Variants in DECR1 observed in about 807,000 individuals in gnomAD.
The protein encoded by DECR1 is 2,4-dienoyl-CoA reductase 1, also known as 2,4-dienoyl-CoA reductase [(3E)-enoyl-CoA-producing], mitochondrial.
DECR1 carries 44 observed loss-of-function variants against 38.8 expected under a neutral mutation model. That is an observed-to-expected ratio of 1.13 (90% CI 0.89 to 1.46). The LOEUF is 1.46. Among genes scored for constraint, DECR1 ranks in the 40% most tolerant of loss-of-function variants. DECR1 has a pLI of 0.00. For missense variants in DECR1, 428 were observed against 405.5 expected, an observed-to-expected ratio of 1.06 and a Z score of -0.48; for synonymous variants, 148 against 135.2, an observed-to-expected ratio of 1.09 and a Z score of -0.66.
At chr8:90,009,734 A>G (rs1812837165) in intron 1 of DECR1, among the ~76,000 whole-genome samples, 1 of 152,216 alleles carries the variant, frequency 6.6e-6, no homozygotes, top group South Asian at 2.1e-4. Flanking sequence ...TTTGGTTAAC[A>G]TGATAGGGGA....
At chr8:90,016,953 T>C (rs1386899970) in intron 1 of DECR1, 171 bp from the exon 2 acceptor site, 1 of 578,550 alleles carries the variant, frequency 1.7e-6, no homozygotes, top group Admixed American at 3.1e-5. Flanking sequence ...GCCTGTGCTT[T>C]TTAAATCAGA....
At chr8:90,009,833 C>A (rs1314260839) in intron 1 of DECR1, among the ~76,000 whole-genome samples, 4 of 152,184 alleles carry the variant, frequency 2.6e-5, no homozygotes, top group Non-Finnish European at 5.9e-5. Flanking sequence ...GTGATTTCAT[C>A]TCTTTTTATT....
At chr8:90,040,303 G>A (rs188724833) in intron 6 of DECR1, among the ~76,000 whole-genome samples, 1 of 152,274 alleles carries the variant, frequency 6.6e-6, no homozygotes, top group African/African-American at 2.4e-5. Flanking sequence ...TGTTCTGTCT[G>A]AAAGAGATAC....
At chr8:90,037,947 C>A (rs1258989716) in intron 6 of DECR1, among the ~76,000 whole-genome samples, 1 of 152,172 alleles carries the variant, frequency 6.6e-6, no homozygotes, top group Non-Finnish European at 1.5e-5. Context: ...GCTCACGACA[C>A]TCCCCAGCTA....
At chr8:90,039,029 A>G (rs1453876146) in intron 6 of DECR1, among the ~76,000 whole-genome samples, 1 of 152,130 alleles carries the variant, frequency 6.6e-6, no homozygotes, top group Non-Finnish European at 1.5e-5. Context: ...TGCTGCTTTT[A>G]TTGTGTTCCT....
intron 5 of DECR1, among the ~76,000 whole-genome samples, chr8:90,035,659 G>T (rs6998280): frequency 6.6e-6 from 1 of 151,786 alleles, no homozygotes; most frequent in Non-Finnish European, 1.5e-5. Flanking sequence ...GGGACTCTTT[G>T]TCTATTAATC....
intron 6 of DECR1, among the ~76,000 whole-genome samples, chr8:90,039,529 G>A (rs1423109861): frequency 6.6e-6 from 1 of 152,184 alleles, no homozygotes; most frequent in African/African-American, 2.4e-5. Flanking sequence ...CCCTTGACAT[G>A]TGGGGATTAT....
At position 90,021,027 on chromosome 8, in the gene DECR1, T is replaced by A. The variant is rs1322258240; in HGVS notation, c.536T>A (p.Ile179Asn). 6.3e-7 allele frequency: 1 copy of A among 1,587,926 alleles called. No individual in the cohort carries two copies. The highest frequency in any genetic ancestry group is 2.3e-5 in the East Asian group (1 of 44,174). The change falls in exon 5 of 10, where the codon ATT (isoleucine) becomes AAT (asparagine). Residue 179 changes from isoleucine (I) to asparagine (N), a missense_variant. Physicochemically the swap from Ile to Asn is moderately radical, Grantham distance 149. Transcript: ENST00000220764. Reference protein sequence around the residue: ...LNGTAFVTLEIGKQLIKAQKG... With the variant: ...LNGTAFVTLENGKQLIKAQKG... Reference sequence around the variant, plus strand: ...GGCACAGCCTTCGTGACACTAGAAATTGGAAAACAACTAATTAAAGCACAG... The same window carrying A: ...GGCACAGCCTTCGTGACACTAGAAAATGGAAAACAACTAATTAAAGCACAG...
At chr8:90,040,761 A>G (rs1188923311) in intron 6 of DECR1, among the ~76,000 whole-genome samples, 1 of 152,144 alleles carries the variant, frequency 6.6e-6, no homozygotes, top group East Asian at 1.9e-4. Flanking sequence ...GCTGAGAATG[A>G]CAGTTTCCAG....
intron 1 of DECR1, among the ~76,000 whole-genome samples, chr8:90,010,706 C>T (rs1470322425): frequency 6.6e-6 from 1 of 152,154 alleles, no homozygotes; most frequent in Non-Finnish European, 1.5e-5. Flanking sequence ...AATATTGATT[C>T]AACCTGAACC....
At chr8:90,038,669 C>T (rs1454657333) in intron 6 of DECR1, among the ~76,000 whole-genome samples, 1 of 151,986 alleles carries the variant, frequency 6.6e-6, no homozygotes, top group East Asian at 1.9e-4. Flanking sequence ...ATTAACGTAA[C>T]ATTAAACAAT....
intron 1 of DECR1, chr8:90,006,137 A>G (rs1812733985): frequency 1.4e-6 from 1 of 692,646 alleles, no homozygotes; most frequent in Non-Finnish European, 2.6e-6. Context: ...TTTCAACATG[A>G]GTTTTCAAGG....
At chr8:90,028,387 T>G (rs1813409019) in intron 5 of DECR1, among the ~76,000 whole-genome samples, 1 of 152,060 alleles carries the variant, frequency 6.6e-6, no homozygotes. Flanking sequence ...CTTAAAAAAT[T>G]TTTTTTGCTT....
At chr8:90,008,682 A>T (rs1388720767) in intron 1 of DECR1, among the ~76,000 whole-genome samples, 1 of 152,226 alleles carries the variant, frequency 6.6e-6, no homozygotes, top group Non-Finnish European at 1.5e-5. Flanking sequence ...GGATATCTTA[A>T]ATATCCTGAC....
chr8:90,045,138 A>G, intron 8 of DECR1, 143 bp downstream of exon 8: 1 of 631,414 alleles, frequency 1.6e-6, no homozygotes. Flanking sequence ...AAAATATTAT[A>G]TATATTGTTT....
chr8:90,036,814 A>G (rs199951274), intron 5 of DECR1, 27 bp from the exon 6 acceptor site: 18 of 1,455,546 alleles, frequency 1.2e-5, no homozygotes, highest in Middle Eastern at 1.7e-4. Flanking sequence ...TATATTGCTA[A>G]TCAACTGTAT....
chr8:90,033,060 A>G (rs191289888), intron 5 of DECR1, among the ~76,000 whole-genome samples: 34 of 152,302 alleles, frequency 2.2e-4, no homozygotes, highest in African/African-American at 7.2e-4. Context: ...TCTCATAGCT[A>G]CACAGCTAGT....
chr8:90,049,602 C>G lies in DECR1; in HGVS notation c.886-2075C>G, dbSNP rs79834461. Among the ~76,000 whole-genome samples, 28 of 152,252 alleles carry G rather than the reference C, an allele frequency of 1.8e-4. No homozygotes were observed. The East Asian group carries it at 5.0e-3, about 27-fold the overall frequency. ...AATGTGTGAAAATGGCCACACTGCC[C>G]AAGGTAATTTATAGATTCAGTGCCA... is the stretch of plus-strand genomic sequence containing the variant. On this transcript the variant is annotated intron_variant, in intron 8 of 9. Coordinates refer to ENST00000220764, the MANE Select transcript of DECR1 (RefSeq NM_001359.2).
Position 90,001,560 on chromosome 8 carries a change from G to A in DECR1, c.68G>A (p.Arg23Lys), listed in dbSNP as rs1340602064. The A allele has an allele frequency of 2.5e-6, 4 of 1,612,196 alleles. No homozygotes were observed. The highest frequency in any genetic ancestry group is 1.7e-5 in the Admixed American group (1 of 59,936). The change falls in exon 1 of 10, where the codon AGG (arginine) becomes AAG (lysine). Residue 23 changes from arginine (R) to lysine (K), a missense_variant and splice_region_variant. By Grantham distance (26) the Arg-to-Lys change is conservative (BLOSUM62 2). Coordinates refer to ENST00000220764, the MANE Select transcript of DECR1 (RefSeq NM_001359.2). ...CTGCCCTGTGGCCTCGCTCCTCGGA[G>A]GGTAAGGCGGCCGGGGGCGCGGGGA... ...SRLPCGLAPR[R>K]FFSYGTKILY... is the part of the protein sequence containing the mutation.
Sources: gnomAD v4.1 joint callset for allele counts (sites outside exome capture counted in the v4.1 genomes callset) on GRCh38, gnomAD v4.1.1 for gene constraint, MANE v1.5 for transcripts, NCBI Gene and HGNC (gene_info 2026-07-23, HGNC 2026-07-21) for gene names.